Variants in PIM2 observed in about 807,000 individuals in gnomAD.
PIM2 encodes serine/threonine-protein kinase pim-2.
A neutral mutation model predicts 18.0 loss-of-function variants in PIM2; 3 were observed. The observed-to-expected ratio is 0.17, with a 90% CI of 0.08 to 0.43. The LOEUF (loss-of-function observed/expected upper bound fraction) is 0.43, where lower values mean the gene tolerates loss of function less well. Among genes scored for constraint, PIM2 ranks in the 20% least tolerant of loss-of-function variants. The pLI is 0.99. For missense variants in PIM2, 181 were observed against 260.8 expected (o/e 0.69, Z 2.11); for synonymous variants, 117 against 105.3 (o/e 1.11, Z -0.68).
At chrX:48,915,507 C>T (rs887788858) in intron 3 of PIM2, 115 bp from the exon 4 acceptor site, 2 of 700,468 alleles carry the variant, frequency 2.9e-6, no homozygotes, top group Admixed American at 3.9e-5. Flanking sequence ...GACAGTGTGT[C>T]GCTAAGCAAC....
chrX:48,918,699 G>A, intron 1 of PIM2, 54 bp from the exon 2 acceptor site: 1 of 1,122,092 alleles, frequency 8.9e-7, no homozygotes, highest in Non-Finnish European at 1.2e-6. Flanking sequence ...GCCCAGCCAC[G>A]ACTCCCTCCC....
rs1173097105 is a variant in PIM2, at chrX:48,915,320, C to T, written c.295G>A (p.Val99Met). The T allele has an allele frequency of 8.3e-7, 1 of 1,209,189 alleles. No individual in the cohort carries two copies. The highest frequency in any genetic ancestry group is 1.1e-6 in the Non-Finnish European group (1 of 894,446). ...KVGAGGGHPG[V>M]IRLLDWFETQ... ...TCAAACCAGTCAAGCAGGCGGATCA[C>T]GCCAGGGTGCCCACCACCTGCACCC... is the stretch of plus-strand genomic sequence containing the variant. Residue 99 changes from valine (V) to methionine (M), a missense_variant, in exon 4 of 6, where the codon GTG becomes ATG. This residue lies in a region of PIM2 where 104 missense variants were observed against 125.3 expected (regional missense o/e 0.83). Coordinates refer to ENST00000376509, the MANE Select transcript of PIM2 (RefSeq NM_006875.4).
At chrX:48,916,129 G>A (rs1406131677) in intron 3 of PIM2, among the ~76,000 whole-genome samples, 1 of 112,559 alleles carries the variant, frequency 8.9e-6, no homozygotes, top group Admixed American at 9.4e-5. Flanking sequence ...TTTGTTCACG[G>A]ACGTATATGA....
rs1404197307 is a variant in PIM2 at position 48,915,300 on chromosome X, C to G, written c.315G>C (p.Trp105Cys). ...GHPGVIRLLDWFETQEGFMLV... is the reference protein window; with the variant it reads ...GHPGVIRLLDCFETQEGFMLV... ...GCATGAAGCCCTCCTGTGTCTCAAA[C>G]CAGTCAAGCAGGCGGATCACGCCAG... is the stretch of plus-strand genomic sequence containing the variant. Residue 105 changes from tryptophan (W) to cysteine (C), a missense_variant, in exon 4 of 6, where the codon TGG (tryptophan) becomes TGC (cysteine). Physicochemically the swap from Trp to Cys is radical, Grantham distance 215. Around this residue, in one of 5 missense-constraint regions of PIM2, gnomAD observed 104 missense variants for 125.3 expected, o/e 0.83. Coordinates refer to ENST00000376509, the MANE Select transcript of PIM2 (RefSeq NM_006875.4). The G allele has an allele frequency of 8.3e-7, 1 of 1,210,556 alleles. No homozygotes were observed. The highest frequency in any genetic ancestry group is 1.1e-6 in the Non-Finnish European group (1 of 895,201).
rs782254626 is a variant in PIM2 at position 48,918,781 on chromosome X, C to A, written c.54G>T (p.Pro18=). ...GPPAPPGTPT[P]PPGGKDREAF... ...AGGGGAGGATGTACTCACCTGGCGG[C>A]GGCGTGGGGGTCCCGGGGGGCGCGG... The change falls in exon 1 of 6, where the codon CCG becomes CCT. Residue 18 remains proline, a synonymous_variant. Transcript: ENST00000376509. The A allele has an allele frequency of 8.4e-7, 1 of 1,192,894 alleles. No homozygotes were observed. The highest frequency in any genetic ancestry group is 1.1e-6 in the Non-Finnish European group (1 of 888,108).
In PIM2 at chrX:48,918,969, C is replaced by G; in HGVS notation, c.-135G>C. 1 of 505,066 alleles carries G rather than the reference C, an allele frequency of 2.0e-6. No individual in the cohort carries two copies. The highest frequency in any genetic ancestry group is 3.3e-6 in the Non-Finnish European group (1 of 305,567). 41.6% of individuals were successfully genotyped at this position (505,066 alleles called of 1,213,427 possible). On this transcript the variant is annotated 5_prime_UTR_variant, in exon 1 of 6. Transcript: ENST00000376509. Reference sequence around the variant, plus strand: ...AGCAGAGAAACTGGTGGCCCGGAAGCGCCCGCAGACGGCGCAGCGTTGAGA... The same window carrying G: ...AGCAGAGAAACTGGTGGCCCGGAAGGGCCCGCAGACGGCGCAGCGTTGAGA...
At chrX:48,915,546 C>T in intron 3 of PIM2, 154 bp from the exon 4 acceptor site, 1 of 501,663 alleles carries the variant, frequency 2.0e-6, no homozygotes, top group Non-Finnish European at 3.2e-6. Flanking sequence ...CTCACTTTCC[C>T]TAAAGACACA....
At chrX:48,916,575 G>A (rs965756887) in intron 3 of PIM2, among the ~76,000 whole-genome samples, 4 of 112,144 alleles carry the variant, frequency 3.6e-5, no homozygotes, top group African/African-American at 1.3e-4. Flanking sequence ...GAGGCCGGGC[G>A]CGGTGGCTCA....
intron 3 of PIM2, among the ~76,000 whole-genome samples, chrX:48,916,887 G>T (rs2063564299): frequency 9.1e-6 from 1 of 109,804 alleles, no homozygotes; most frequent in Admixed American, 9.6e-5. Flanking sequence ...GGGCGTGGTG[G>T]CTCATGCCTG....
In PIM2 at chrX:48,915,400, C is replaced by A; in HGVS notation, c.223-8G>T. ...GCATGTGACTGAGTCTGACTGGGGG[C>A]ACAGGTGGGGTGGGAAGCAGGGAGA... On this transcript the variant is annotated splice_region_variant and splice_polypyrimidine_tract_variant and intron_variant, in intron 3 of 5. Transcript: ENST00000376509. 8.4e-7 allele frequency: 1 copy of A among 1,194,127 alleles called. No individual in the cohort carries two copies. Among genetic ancestry groups the A allele is most frequent in the African/African-American group, 1.7e-5 (1 of 57,557 alleles).
chrX:48,915,486 C>T, intron 3 of PIM2, 94 bp from the exon 4 acceptor site: 1 of 894,442 alleles, frequency 1.1e-6, no homozygotes, highest in Non-Finnish European at 1.5e-6. Context: ...CAACTCAGGG[C>T]CCCTTTTCCT....
Position 48,914,253 on chromosome X carries a change from A to G in PIM2, c.814T>C (p.Ser272Pro). 1.7e-6 allele frequency: 2 copies of G among 1,207,593 alleles called. No individual in the cohort carries two copies. Among genetic ancestry groups the G allele is most frequent in the Admixed American group, 2.2e-5 (1 of 45,461 alleles). ...ATCTCTTCCAGTGAGGGTCGGGAAGAAGGTTTGGGGGCCAGGCACCGGCGG... is the reference window on the plus strand; with the variant it reads ...ATCTCTTCCAGTGAGGGTCGGGAAGGAGGTTTGGGGGCCAGGCACCGGCGG... ...LIRRCLAPKP[S>P]SRPSLEEILL... Residue 272 changes from serine (S) to proline (P), a missense_variant, in exon 6 of 6, where the codon TCT becomes CCT. By Grantham distance (74) the Ser-to-Pro change is moderately conservative. Coordinates refer to ENST00000376509, the MANE Select transcript of PIM2 (RefSeq NM_006875.4).
intron 3 of PIM2, 21 bp from the exon 4 acceptor site, chrX:48,915,413 G>A (rs2063560530): frequency 8.5e-7 from 1 of 1,180,859 alleles, no homozygotes; most frequent in South Asian, 1.9e-5. Context: ...AGGTGGGGTG[G>A]GAAGCAGGGA....
intron 2 of PIM2, among the ~76,000 whole-genome samples, chrX:48,918,308 C>T (rs377329931): frequency 3.9e-5 from 3 of 76,322 alleles, no homozygotes; most frequent in Non-Finnish European, 5.0e-5. Context: ...GCCCCCCCCC[C>T]CCGCCCATAA....
Position 48,914,107 on chromosome X carries a change from G to GGGCCAGGCCA in PIM2, c.*14_*23dup, listed in dbSNP as rs782744998. ...ATGGGATGGCTCTTCTGACCATTGG[G>GGGCCAGGCCA]GGCCAGGCCAGGCCAGGCCAGGCTT... On this transcript the variant is annotated 3_prime_UTR_variant, in exon 6 of 6. Coordinates refer to ENST00000376509, the MANE Select transcript of PIM2 (RefSeq NM_006875.4). 2.0e-6 allele frequency: 2 copies of GGGCCAGGCCA among 976,839 alleles called. No individual in the cohort carries two copies. The highest frequency in any genetic ancestry group is 3.8e-5 in the Admixed American group (1 of 26,235). 80.5% of individuals were successfully genotyped at this position (976,839 alleles called of 1,213,427 possible).
At position 48,917,818 on chromosome X, in the gene PIM2, A is replaced by T; in HGVS notation, c.185T>A (p.Val62Glu). The T allele has an allele frequency of 8.3e-7, 1 of 1,202,461 alleles. No homozygotes were observed. The highest frequency in any genetic ancestry group is 1.1e-6 in the Non-Finnish European group (1 of 890,322). Residue 62 changes from valine to glutamate, a missense_variant, in exon 3 of 6, where the codon GTG becomes GAG. Coordinates refer to ENST00000376509, the MANE Select transcript of PIM2 (RefSeq NM_006875.4). ...GCCCAGCACACGATTCCGGGGAATC[A>T]CTTTGATGGCCACCTGGAGAAGAAG... Reference protein sequence around the residue: ...LTDRLQVAIKVIPRNRVLGWS... With the variant: ...LTDRLQVAIKEIPRNRVLGWS...
chrX:48,914,832 G>A, intron 4 of PIM2, 188 bp downstream of exon 4: 1 of 480,796 alleles, frequency 2.1e-6, no homozygotes, highest in Non-Finnish European at 3.5e-6. Context: ...CCCAGAATAA[G>A]GTTAGCACAC....
At chrX:48,914,350 C>G (rs1226590199) in intron 5 of PIM2, 45 bp downstream of exon 5, 4 of 1,210,647 alleles carry the variant, frequency 3.3e-6, no homozygotes, top group East Asian at 3.0e-5. Flanking sequence ...GTACTGGTCC[C>G]TGAGAAGGAT....
intron 3 of PIM2, among the ~76,000 whole-genome samples, chrX:48,916,398 A>T (rs1557045225): frequency 8.9e-6 from 1 of 112,934 alleles, no homozygotes; most frequent in African/African-American, 3.2e-5. Context: ...ATCACCAAGC[A>T]CCTAGAACCA....
Sources: gnomAD v4.1 joint callset for allele counts (sites outside exome capture counted in the v4.1 genomes callset) on GRCh38, gnomAD v4.1.1 for gene constraint, gnomAD v4.1.1 regional missense constraint, MANE v1.5 for transcripts, NCBI Gene and HGNC (gene_info 2026-07-23, HGNC 2026-07-21) for gene names.